Variants in CPNE8 observed in about 807,000 individuals in gnomAD.
CPNE8 encodes the protein copine-8.
Under a neutral mutation model 81.5 loss-of-function variants are expected in CPNE8, and 45 were observed. The ratio of observed to expected loss-of-function variants is 0.55; its 90% CI spans 0.44 to 0.71. CPNE8 has a LOEUF of 0.71. Among genes scored for constraint, CPNE8 ranks in the 30% least tolerant of loss-of-function variants. The pLI is 0.00. For synonymous variants in CPNE8, 252 were observed against 226.3 expected (o/e 1.11, Z -1.02); for missense variants, 594 against 672.1 (o/e 0.88, Z 1.28).
At chr12:38,882,430 A>G (rs1055531486) in intron 1 of CPNE8, among the ~76,000 whole-genome samples, 4 of 152,182 alleles carry the variant, frequency 2.6e-5, no homozygotes, top group Non-Finnish European at 5.9e-5. Flanking sequence ...TCAGCCCGGC[A>G]ATACTGATTT....
chr12:38,814,272 T>C (rs1942985516), intron 6 of CPNE8, among the ~76,000 whole-genome samples: 1 of 145,288 alleles, frequency 6.9e-6, no homozygotes, highest in East Asian at 2.0e-4. Flanking sequence ...GTAGTGAGAT[T>C]AAAAAAACTG....
chr12:38,784,240 C>G (rs751420884), intron 6 of CPNE8, among the ~76,000 whole-genome samples: 2 of 152,112 alleles, frequency 1.3e-5, no homozygotes, highest in Non-Finnish European at 2.9e-5. Context: ...ATGCATCAGT[C>G]TTTTAATGGC....
chr12:38,708,826 A>G (rs1940178227), intron 13 of CPNE8, among the ~76,000 whole-genome samples: 1 of 152,196 alleles, frequency 6.6e-6, no homozygotes, highest in Non-Finnish European at 1.5e-5. Context: ...ACCATCTTAC[A>G]TGTGTTTTCT....
chr12:38,796,936 G>A (rs140769703), intron 6 of CPNE8, among the ~76,000 whole-genome samples: 149 of 152,170 alleles, frequency 9.8e-4, no homozygotes, highest in African/African-American at 2.4e-3. Context: ...ATGGAGTCTC[G>A]CTGATTGCTA....
At position 38,785,065 on chromosome 12, in the gene CPNE8, C is replaced by T. The variant is rs549044345; in HGVS notation, c.408-8764G>A. Among the ~76,000 whole-genome samples the T allele has an allele frequency of 5.9e-5, 9 of 151,946 alleles. No homozygotes were observed. The South Asian group carries it at 1.0e-3, about 18-fold the overall frequency. On this transcript the variant is annotated intron_variant, in intron 6 of 19. Transcript: ENST00000331366. ...CAAAAATTAGCTGGGTGCGATGGCA[C>T]GTGCCTGTAGTTCCAGCTATTCAGA...
chr12:38,690,629 T>G (rs1460796346), intron 15 of CPNE8, among the ~76,000 whole-genome samples: 1 of 152,060 alleles, frequency 6.6e-6, no homozygotes, highest in African/African-American at 2.4e-5. Flanking sequence ...CTTGTATAGC[T>G]TTGGTTACAA....
In CPNE8 at chr12:38,905,540, G is replaced by GA; in HGVS notation, c.-7dup. On this transcript the variant is annotated 5_prime_UTR_variant, in exon 1 of 20. Transcript: ENST00000331366. ...CTGTTGTAGCGGCTGTCCATATTGG[G>GA]AGGAGGCGCCTTGGACTTGTCCGGC... 1.3e-6 allele frequency: 2 copies of GA among 1,557,598 alleles called. No homozygotes were observed. Among genetic ancestry groups the GA allele is most frequent in the Admixed American group, 3.9e-5 (2 of 51,642 alleles).
At chr12:38,879,512 A>C (rs1304800231) in intron 1 of CPNE8, among the ~76,000 whole-genome samples, 1 of 152,156 alleles carries the variant, frequency 6.6e-6, no homozygotes, top group Non-Finnish European at 1.5e-5. Context: ...TTAATAGTAG[A>C]AAATAAAAAC....
intron 6 of CPNE8, among the ~76,000 whole-genome samples, chr12:38,796,829 G>A (rs1053914817): frequency 6.6e-6 from 1 of 152,090 alleles, no homozygotes; most frequent in African/African-American, 2.4e-5. Context: ...TGGAAAATCG[G>A]GTCACTCCCA....
intron 18 of CPNE8, 64 bp downstream of exon 18, chr12:38,675,653 C>A (rs1939270866): frequency 1.9e-6 from 2 of 1,052,116 alleles, no homozygotes; most frequent in South Asian, 1.3e-5. Flanking sequence ...GGCAGAAACC[C>A]AAGAGCATGT....
Position 38,677,572 on chromosome 12 carries a change from G to A in CPNE8, c.1272-18C>T, listed in dbSNP as rs1490761319. 6.8e-7 allele frequency: 1 copy of A among 1,468,438 alleles called. No individual in the cohort carries two copies. The highest frequency in any genetic ancestry group is 1.4e-5 in the African/African-American group (1 of 72,050). The allele number at this position is 1,468,438 out of a possible 1,614,324, so 91.0% of individuals were successfully genotyped here. ...AAGCATATCTGAAAGGCAACGAAAA[G>A]GTAAGGAAAGTAAAACAGTTTTCTA... On this transcript the variant is annotated intron_variant, in intron 16 of 19. Coordinates refer to ENST00000331366, the MANE Select transcript of CPNE8 (RefSeq NM_153634.3).
At chr12:38,696,548 A>T (rs1489307938) in intron 14 of CPNE8, among the ~76,000 whole-genome samples, 2 of 152,168 alleles carry the variant, frequency 1.3e-5, no homozygotes, top group Non-Finnish European at 2.9e-5. Context: ...CTTAACATGT[A>T]TTGACAATTT....
intron 10 of CPNE8, among the ~76,000 whole-genome samples, chr12:38,740,066 C>T (rs901736965): frequency 1.3e-5 from 2 of 152,096 alleles, no homozygotes; most frequent in Non-Finnish European, 1.5e-5. Context: ...TTCTATAGAT[C>T]TAAACAAAAA....
chr12:38,755,916 T>C (rs910403277), intron 10 of CPNE8, among the ~76,000 whole-genome samples: 1 of 150,396 alleles, frequency 6.6e-6, no homozygotes, highest in Non-Finnish European at 1.5e-5. Context: ...GGCGGGCGCC[T>C]GTAGTCCCAG....
intron 19 of CPNE8, among the ~76,000 whole-genome samples, chr12:38,665,941 C>CA (rs112998712): frequency 1.0e-3 from 154 of 151,574 alleles, no homozygotes; most frequent in African/African-American, 2.9e-3. Flanking sequence ...GAAATAATGA[C>CA]AAAAAAAATG....
chr12:38,820,912 T>A (rs780823201), intron 6 of CPNE8, among the ~76,000 whole-genome samples: 15 of 152,302 alleles, frequency 9.8e-5, no homozygotes, highest in African/African-American at 1.4e-4. Flanking sequence ...GAAAGAAACC[T>A]GAAGGTCCTT....
intron 17 of CPNE8, chr12:38,676,373 T>C (rs1034732413): frequency 6.8e-6 from 6 of 888,434 alleles, no homozygotes; most frequent in Non-Finnish European, 8.1e-6. Context: ...ACTTCCACTT[T>C]CTACTCTCAG....
chr12:38,708,588 T>G (rs1013161499), intron 13 of CPNE8, among the ~76,000 whole-genome samples: 5 of 152,182 alleles, frequency 3.3e-5, no homozygotes, highest in African/African-American at 1.2e-4. Flanking sequence ...ATTGCATGAG[T>G]TAGTACTAAC....
intron 3 of CPNE8, among the ~76,000 whole-genome samples, chr12:38,854,796 G>A (rs1384571014): frequency 6.6e-6 from 1 of 151,986 alleles, no homozygotes; most frequent in African/African-American, 2.4e-5. Context: ...TATATGAAAA[G>A]CCCACAGCTA....
Sources: allele counts gnomAD v4.1 joint callset (sites outside exome capture counted in the v4.1 genomes callset), GRCh38; gene constraint gnomAD v4.1.1; transcripts MANE v1.5; gene names NCBI Gene and HGNC (gene_info 2026-07-23, HGNC 2026-07-21).